The following NEK7 variants were observed in gnomAD, a reference collection of about 807,000 sequenced individuals.
NEK7 encodes serine/threonine-protein kinase Nek7.
Under a neutral mutation model 44.6 loss-of-function variants are expected in NEK7, and 18 were observed. That is an observed-to-expected ratio of 0.40 (90% CI 0.28 to 0.60). The LOEUF is 0.60. NEK7 is among the 20% of genes least tolerant of loss of function. The pLI, the probability that NEK7 is intolerant of heterozygous loss-of-function variation, is 0.38. For synonymous variants in NEK7, 130 were observed against 121.1 expected (o/e 1.07, Z -0.48); for missense variants, 256 against 366.5 (o/e 0.70, Z 2.46).
intron 1 of NEK7, among the ~76,000 whole-genome samples, chr1:198,157,707 A>C (rs1043730344): frequency 1.3e-5 from 2 of 152,226 alleles, no homozygotes; most frequent in African/African-American, 4.8e-5. Context: ...ATTCGGCAGC[A>C]GCCCGACTTA....
chr1:198,215,185 C>A (rs752002056), intron 1 of NEK7, among the ~76,000 whole-genome samples: 1 of 152,106 alleles, frequency 6.6e-6, no homozygotes, highest in Non-Finnish European at 1.5e-5. Context: ...AATTCTAAAT[C>A]TTGAAACAAA....
chr1:198,317,877 A>ATTTTTGTTTTTTTTTT (rs537862004), intron 9 of NEK7, among the ~76,000 whole-genome samples: 4 of 70,264 alleles, frequency 5.7e-5, no homozygotes, highest in African/African-American at 6.3e-5. Flanking sequence ...GGATATATTT[A>ATTTTTGTTTTTTTTTT]TTTTTTTTTT....
rs1052364135 is a variant in NEK7 at position 198,279,079 on chromosome 1, A to C, written c.589+18A>C. ...TTCTTTAGGTAAGAGACACAATATA[A>C]TTTCATTCAGTTACTTTGTGTATGT... On this transcript the variant is annotated intron_variant, in intron 7 of 9. Transcript: ENST00000367385. 2.1e-6 allele frequency: 3 copies of C among 1,445,286 alleles called. No homozygotes were observed. In the Admixed American group the frequency reaches 5.0e-5, roughly 24 times the overall value. 89.5% of individuals were successfully genotyped at this position (1,445,286 alleles called of 1,614,324 possible).
chr1:198,308,162 C>G (rs1341743675), intron 9 of NEK7, among the ~76,000 whole-genome samples: 2 of 151,978 alleles, frequency 1.3e-5, no homozygotes, highest in African/African-American at 4.8e-5. Context: ...AGAATGGTAC[C>G]TGCCATTAAG....
rs549123061 is a variant in NEK7, at chr1:198,252,911, T to C, written c.58-129T>C. On this transcript the variant is annotated intron_variant, in intron 2 of 9. Transcript: ENST00000367385. Reference sequence around the variant, plus strand: ...GCCTGGCATAAGTTCAGTAAATATTTGTTGTTGAGTGAATGGATGTCTGCA... The same window carrying C: ...GCCTGGCATAAGTTCAGTAAATATTCGTTGTTGAGTGAATGGATGTCTGCA... 374 of 703,546 alleles carry C rather than the reference T, an allele frequency of 5.3e-4. 6 individuals are homozygous for C. In the South Asian group the frequency reaches 6.7e-3, roughly 13 times the overall value. 43.6% of individuals were successfully genotyped at this position (703,546 alleles called of 1,614,324 possible).
intron 1 of NEK7, among the ~76,000 whole-genome samples, chr1:198,222,128 A>C (rs992468297): frequency 2.0e-5 from 3 of 151,978 alleles, no homozygotes; most frequent in Admixed American, 6.6e-5. Flanking sequence ...TCAGATTCCT[A>C]ATTTTGTTCT....
intron 9 of NEK7, among the ~76,000 whole-genome samples, chr1:198,306,490 T>A (rs1028487828): frequency 6.6e-6 from 1 of 152,156 alleles, no homozygotes; most frequent in African/African-American, 2.4e-5. Context: ...ATTAATAAAT[T>A]TTAAACCCTA....
rs1190840150 is a variant in NEK7 at position 198,256,653 on chromosome 1, TTAGG to T, written c.198+3474_198+3477del. On this transcript the variant is annotated intron_variant, in intron 3 of 9. Coordinates refer to ENST00000367385, the MANE Select transcript of NEK7 (RefSeq NM_133494.3). ...TGTTTATTGGTCAGTGTCTAAGGCTTTAGGAAGATTAAGATAAACATAATGAGAC... is the reference window on the plus strand; with the variant it reads ...TGTTTATTGGTCAGTGTCTAAGGCTTAAGATTAAGATAAACATAATGAGAC... 7.9e-6 allele frequency: 6 copies of T among 763,038 alleles called. No individual in the cohort carries two copies. In the African/African-American group the frequency reaches 1.1e-4, roughly 14 times the overall value. 47.3% of individuals were successfully genotyped at this position (763,038 alleles called of 1,614,324 possible).
At chr1:198,272,055 TA>T (rs907062941) in intron 5 of NEK7, among the ~76,000 whole-genome samples, 1 of 151,394 alleles carries the variant, frequency 6.6e-6, no homozygotes, top group African/African-American at 2.4e-5. Context: ...TGTATAGAAT[TA>T]TTTTTTTAAG....
chr1:198,185,106 C>T (rs942189975), intron 1 of NEK7, among the ~76,000 whole-genome samples: 6 of 150,788 alleles, frequency 4.0e-5, no homozygotes, highest in South Asian at 4.2e-4. Flanking sequence ...AAGCAAGCAT[C>T]GAATATAGAC....
intron 2 of NEK7, among the ~76,000 whole-genome samples, chr1:198,236,254 G>C (rs1017459026): frequency 6.6e-6 from 1 of 152,098 alleles, no homozygotes; most frequent in Non-Finnish European, 1.5e-5. Context: ...TTGATAAACT[G>C]ATTTTGCCAA....
chr1:198,228,702 T>A (rs1006714912), intron 1 of NEK7, among the ~76,000 whole-genome samples: 31 of 152,178 alleles, frequency 2.0e-4, no homozygotes, highest in African/African-American at 6.8e-4. Context: ...TGCTTATGAT[T>A]TTTGCACATT....
At chr1:198,203,413 C>G (rs937892970) in intron 1 of NEK7, among the ~76,000 whole-genome samples, 2 of 152,188 alleles carry the variant, frequency 1.3e-5, no homozygotes, top group Non-Finnish European at 1.5e-5. Context: ...GTTGCACCCC[C>G]AGGTACAGGA....
At chr1:198,311,716 T>C (rs906546904) in intron 9 of NEK7, among the ~76,000 whole-genome samples, 19 of 152,208 alleles carry the variant, frequency 1.2e-4, no homozygotes, top group African/African-American at 4.6e-4. Flanking sequence ...TTCTGTTTGG[T>C]TCTGTTTATA....
In NEK7 at chr1:198,216,843, T is replaced by C. The variant is rs560276261; in HGVS notation, c.-28-15710T>C. Reference sequence around the variant, plus strand: ...CACAAACTAGAAAACATAGAGGAAATTGATAATTATCAATTTCCTCGAAAA... The same window carrying C: ...CACAAACTAGAAAACATAGAGGAAACTGATAATTATCAATTTCCTCGAAAA... On this transcript the variant is annotated intron_variant, in intron 1 of 9. Coordinates refer to ENST00000367385, the MANE Select transcript of NEK7 (RefSeq NM_133494.3). 1.3e-4 allele frequency among the ~76,000 whole-genome samples: 20 copies of C among 151,926 alleles called. No homozygotes were observed. The East Asian group carries it at 3.5e-3, about 26-fold the overall frequency.
At chr1:198,256,103 T>C (rs1238703327) in intron 3 of NEK7, among the ~76,000 whole-genome samples, 4 of 152,194 alleles carry the variant, frequency 2.6e-5, no homozygotes, top group Admixed American at 6.6e-5. Context: ...TCTCAAGAAC[T>C]GTATTACTGT....
intron 5 of NEK7, among the ~76,000 whole-genome samples, chr1:198,273,567 A>G (rs1230784554): frequency 6.6e-6 from 1 of 151,730 alleles, no homozygotes; most frequent in East Asian, 1.9e-4. Flanking sequence ...ATAAAATTGC[A>G]TTATAATTAC....
Position 198,200,465 on chromosome 1 carries a change from C to T in NEK7, c.-28-32088C>T, listed in dbSNP as rs368234926. The stretch of plus-strand genomic sequence containing the variant: ...ATTATGAGCATATCTGCTTTAAGTG[C>T]AGGCTGATCTGTCTTCAGAGGTCTT... On this transcript the variant is annotated intron_variant, in intron 1 of 9. Transcript: ENST00000367385. Among the ~76,000 whole-genome samples, 9 of 152,030 alleles carry T rather than the reference C, an allele frequency of 5.9e-5. No individual in the cohort carries two copies. The East Asian group carries it at 1.7e-3, about 29-fold the overall frequency.
At position 198,279,036 on chromosome 1, in the gene NEK7, A is replaced by G. The variant is rs749401109; in HGVS notation, c.564A>G (p.Ser188=). 2 of 1,607,376 alleles carry G rather than the reference A, an allele frequency of 1.2e-6. No individual in the cohort carries two copies. The highest frequency in any genetic ancestry group is 1.1e-5 in the South Asian group (1 of 90,856). Residue 188 remains serine (S), a synonymous_variant, in exon 7 of 10, where the codon TCA becomes TCG. Transcript: ENST00000367385. The part of the protein sequence containing the change: ...GDLGLGRFFS[S]KTTAAHSLVG... ...TTGGGCTTGGCCGGTTTTTCAGCTC[A>G]AAAACCACAGCTGCACATTCTTTAG...
Sources: allele counts gnomAD v4.1 joint callset (sites outside exome capture counted in the v4.1 genomes callset), GRCh38; gene constraint gnomAD v4.1.1; transcripts MANE v1.5; gene names NCBI Gene and HGNC (gene_info 2026-07-23, HGNC 2026-07-21).